The following NECTIN3 variants were observed in gnomAD, a reference collection of about 807,000 sequenced individuals.
NECTIN3 encodes the protein nectin cell adhesion molecule 3.
NECTIN3 carries 8 observed loss-of-function variants against 49.4 expected under a neutral mutation model. The observed-to-expected ratio is 0.16, with a 90% CI of 0.10 to 0.29. The LOEUF (loss-of-function observed/expected upper bound fraction) is 0.29. Among genes scored for constraint, NECTIN3 ranks in the 10% least tolerant of loss-of-function variants. The pLI, the probability that NECTIN3 is intolerant of heterozygous loss-of-function variation, is 1.00. For missense variants in NECTIN3, 581 were observed against 654.6 expected, an observed-to-expected ratio of 0.89 and a Z score of 1.23; for synonymous variants, 277 against 241.1, an observed-to-expected ratio of 1.15 and a Z score of -1.38.
Position 111,136,292 on chromosome 3 carries a change from A to G in NECTIN3, c.*2077A>G. 1.0e-6 allele frequency: 1 copy of G among 973,764 alleles called. No individual in the cohort carries two copies. Among genetic ancestry groups the G allele is most frequent in the Non-Finnish European group, 1.2e-6 (1 of 819,424 alleles). 60.3% of individuals were successfully genotyped at this position (973,764 alleles called of 1,614,324 possible). A position where few individuals can be genotyped will look rare whatever the true frequency, so the allele number is the denominator to read the frequency against. Reference sequence around the variant, plus strand: ...CAGTGTATTTTAAGAAATATATTTCAAAAATATAAATACTGATTATGAACT... The same window carrying G: ...CAGTGTATTTTAAGAAATATATTTCGAAAATATAAATACTGATTATGAACT... On this transcript the variant is annotated 3_prime_UTR_variant, in exon 6 of 6. Coordinates refer to ENST00000485303, the MANE Select transcript of NECTIN3 (RefSeq NM_015480.3).
At position 111,071,956 on chromosome 3, in the gene NECTIN3, A is replaced by C; in HGVS notation, c.-62A>C. ...TTCCACAGCCTCCGCCCAGAGCCTG[A>C]GGCGCCGGGGCCGGGGGAGCCGGGG... On this transcript the variant is annotated 5_prime_UTR_variant, in exon 1 of 6. Coordinates refer to ENST00000485303, the MANE Select transcript of NECTIN3 (RefSeq NM_015480.3). The C allele has an allele frequency of 8.9e-7, 1 of 1,128,074 alleles. No homozygotes were observed. Among genetic ancestry groups the C allele is most frequent in the Non-Finnish European group, 1.1e-6 (1 of 879,674 alleles). The allele number at this position is 1,128,074 out of a possible 1,614,324, so 69.9% of individuals were successfully genotyped here.
In NECTIN3 at chr3:111,072,868, T is replaced by C. The variant is rs115150077; in HGVS notation, c.160+691T>C. ...GTGTTAAATACCTGATTTCATGGAC[T>C]GTGTGCCCCGGCTGTTCTAACCAAA... On this transcript the variant is annotated intron_variant, in intron 1 of 5. Transcript: ENST00000485303. 1,244 of 288,616 alleles carry C rather than the reference T, an allele frequency of 4.3e-3. 20 individuals carry two copies. The highest frequency in any genetic ancestry group is 0.027 in the African/African-American group (1,184 of 43,750). The allele number at this position is 288,616 out of a possible 1,614,324, so 17.9% of individuals were successfully genotyped here.
chr3:111,136,531 TA>T lies in NECTIN3; in HGVS notation c.*2317del. 1.0e-6 allele frequency: 1 copy of T among 968,596 alleles called. No individual in the cohort carries two copies. The allele number at this position is 968,596 out of a possible 1,614,324, so 60.0% of individuals were successfully genotyped here. ...TGGGAAGCATTGCACTGTTGTTTAT[TA>T]GAACTTTATGTATATTTACTGTACA... On this transcript the variant is annotated 3_prime_UTR_variant, in exon 6 of 6. Transcript: ENST00000485303.
chr3:111,186,631 CAATT>C (rs2035724994), intron 7 of NECTIN3, among the ~76,000 whole-genome samples: 1 of 152,110 alleles, frequency 6.6e-6, no homozygotes, highest in Non-Finnish European at 1.5e-5. Flanking sequence ...CCATGATACA[CAATT>C]AACCTATGTA....
At chr3:111,074,905 A>G (rs1253908426) in intron 1 of NECTIN3, 2 of 151,972 alleles carry the variant, frequency 1.3e-5, no homozygotes, top group African/African-American at 2.4e-5. Flanking sequence ...AGAGAATATT[A>G]TCATGGGTAT....
At chr3:111,133,272 T>A (rs2034455748) in intron 5 of NECTIN3, among the ~76,000 whole-genome samples, 1 of 152,084 alleles carries the variant, frequency 6.6e-6, no homozygotes, top group Non-Finnish European at 1.5e-5. Flanking sequence ...TTTGTTATAG[T>A]AATTATTAAG....
rs115054905 is a variant in NECTIN3 at position 111,092,542 on chromosome 3, T to C, written c.161-19488T>C. Among the ~76,000 whole-genome samples the C allele has an allele frequency of 1.1e-3, 162 of 152,306 alleles. 1 individual carries two copies. The highest frequency in any genetic ancestry group is 3.7e-3 in the African/African-American group (155 of 41,572). On this transcript the variant is annotated intron_variant, in intron 1 of 5. Coordinates refer to ENST00000485303, the MANE Select transcript of NECTIN3 (RefSeq NM_015480.3). Reference sequence around the variant, plus strand: ...TATCTAGTTGTTGCAGGACCATTTGTTGAAAAGATTATTCTTTTCCCATTG... The same window carrying C: ...TATCTAGTTGTTGCAGGACCATTTGCTGAAAAGATTATTCTTTTCCCATTG...
chr3:111,090,688 T>C (rs918596730), intron 1 of NECTIN3, among the ~76,000 whole-genome samples: 1 of 52,436 alleles, frequency 1.9e-5, no homozygotes, highest in African/African-American at 3.2e-5. Context: ...CGTTTTTTCA[T>C]GGCATCTTAA....
chr3:111,086,899 C>A (rs2031964887), intron 1 of NECTIN3, among the ~76,000 whole-genome samples: 1 of 151,972 alleles, frequency 6.6e-6, no homozygotes, highest in South Asian at 2.1e-4. Flanking sequence ...TAAATAAAAT[C>A]TTCTGGTTTG....
chr3:111,111,899 A>ATG lies in NECTIN3; in HGVS notation c.161-97_161-96dup, dbSNP rs10581136. 1,281 of 581,260 alleles carry ATG rather than the reference A, an allele frequency of 2.2e-3. 9 individuals carry two copies. Among genetic ancestry groups the ATG allele is most frequent in the African/African-American group, 0.021 (1,113 of 52,122 alleles). 36.0% of individuals were successfully genotyped at this position (581,260 alleles called of 1,614,324 possible). A position where few individuals can be genotyped will look rare whatever the true frequency, so the allele number is the denominator to read the frequency against. ...TGTGAGTGCATGTGTGTGTGTGTGCATGTGTGTGTGTGTGTGTGTGTGTGT... is the reference window on the plus strand; with the variant it reads ...TGTGAGTGCATGTGTGTGTGTGTGCATGTGTGTGTGTGTGTGTGTGTGTGTGT... On this transcript the variant is annotated intron_variant, in intron 1 of 5. Coordinates refer to ENST00000485303, the MANE Select transcript of NECTIN3 (RefSeq NM_015480.3).
chr3:111,122,651 T>C (rs2034003967), intron 4 of NECTIN3, among the ~76,000 whole-genome samples: 1 of 152,182 alleles, frequency 6.6e-6, no homozygotes, highest in South Asian at 2.1e-4. Context: ...CACTGTTTGC[T>C]TCTCTAGGAC....
intron 7 of NECTIN3, among the ~76,000 whole-genome samples, chr3:111,180,225 G>A (rs1331195596): frequency 4.6e-5 from 7 of 152,066 alleles, no homozygotes; most frequent in Admixed American, 6.5e-5. Flanking sequence ...AAACCTTCCA[G>A]GTCTTGATTC....
At chr3:111,107,765 G>A (rs1319338425) in intron 1 of NECTIN3, among the ~76,000 whole-genome samples, 1 of 152,072 alleles carries the variant, frequency 6.6e-6, no homozygotes, top group Non-Finnish European at 1.5e-5. Flanking sequence ...TTTGGAGTTT[G>A]GTTTAAGAAC....
At chr3:111,072,514 G>A (rs1232631780) in intron 1 of NECTIN3, 2 of 1,535,980 alleles carry the variant, frequency 1.3e-6, no homozygotes, top group Admixed American at 3.9e-5. Context: ...AACCCTCGTA[G>A]GTTAAGGTGC....
In NECTIN3 at chr3:111,135,759, T is replaced by C. The variant is rs948237405; in HGVS notation, c.*1544T>C. 1.8e-5 allele frequency: 17 copies of C among 960,240 alleles called. No homozygotes were observed. In the African/African-American group the frequency reaches 2.7e-4, roughly 15 times the overall value. The allele number at this position is 960,240 out of a possible 1,614,324, so 59.5% of individuals were successfully genotyped here. ...ACATTTAGGGGGCAAAATTCTAACA[T>C]GTTCATGGTATCTTGCAAATAGTGA... On this transcript the variant is annotated 3_prime_UTR_variant, in exon 6 of 6. Coordinates refer to ENST00000485303, the MANE Select transcript of NECTIN3 (RefSeq NM_015480.3).
At chr3:111,139,068 G>A (rs1211028738), downstream of NECTIN3, among the ~76,000 whole-genome samples, 1 of 151,508 alleles carries the variant, frequency 6.6e-6, no homozygotes, top group Admixed American at 6.6e-5. Context: ...TCAGTTCCTG[G>A]TCAGTCTTAT....
At chr3:111,189,879 C>T (rs750335638), upstream of NECTIN3, among the ~76,000 whole-genome samples, 1 of 152,096 alleles carries the variant, frequency 6.6e-6, no homozygotes, top group Non-Finnish European at 1.5e-5. Flanking sequence ...GGCATGTGCT[C>T]CTAAACCAAT....
chr3:111,084,436 C>A (rs1384372284), intron 1 of NECTIN3, among the ~76,000 whole-genome samples: 1 of 152,138 alleles, frequency 6.6e-6, no homozygotes, highest in Non-Finnish European at 1.5e-5. Context: ...TTTAATTGAG[C>A]ACTAGGTCTA....
chr3:111,192,232 G>C (rs2035825297), upstream of NECTIN3: 6 of 839,360 alleles, frequency 7.1e-6, no homozygotes, highest in African/African-American at 1.7e-5. Flanking sequence ...GGAACATTTT[G>C]CTTAGTTGGT....
Sources: allele counts gnomAD v4.1 joint callset (sites outside exome capture counted in the v4.1 genomes callset), GRCh38; gene constraint gnomAD v4.1.1; transcripts MANE v1.5; gene names NCBI Gene and HGNC (gene_info 2026-07-23, HGNC 2026-07-21).